The following EYS variants were observed in gnomAD, a reference collection of about 807,000 sequenced individuals.
EYS encodes EGF-like photoreceptor maintenance factor, also known as protein eyes shut homolog.
Under a neutral mutation model 282.1 loss-of-function variants are expected in EYS, and 250 were observed. The ratio of observed to expected loss-of-function variants is 0.89; its 90% CI spans 0.80 to 0.98. EYS has a LOEUF of 0.98. Among genes scored for constraint, EYS ranks in the 50% least tolerant of loss-of-function variants. EYS has a pLI of 0.00. For missense variants in EYS, 4,016 were observed against 3,709.0 expected (o/e 1.08, Z -2.15); for synonymous variants, 1,355 against 1,282.9 (o/e 1.06, Z -1.20).
At chr6:65,387,126 G>T (rs1036846567) in intron 7 of EYS, among the ~76,000 whole-genome samples, 2 of 151,674 alleles carry the variant, frequency 1.3e-5, no homozygotes, top group African/African-American at 2.4e-5. Context: ...CTATTATTAG[G>T]TTTCCTTTTG....
At position 64,388,827 on chromosome 6, in the gene EYS, G is replaced by A. The variant is rs1194059660; in HGVS notation, c.5941C>T (p.Pro1981Ser). The A allele has an allele frequency of 4.6e-6, 7 of 1,509,670 alleles. No individual in the cohort carries two copies. In the Admixed American group the frequency reaches 8.8e-5, roughly 19 times the overall value. The allele number at this position is 1,509,670 out of a possible 1,614,324, so 93.5% of individuals were successfully genotyped here. The change falls in exon 29 of 43, where the codon CCA becomes TCA. Residue 1981 changes from proline to serine, a missense_variant. Coordinates refer to ENST00000503581, the MANE Select transcript of EYS (RefSeq NM_001142800.2). ...AAAATAGTCAGCTCAGCGTTACATG[G>A]ATCCAATTCTTGCCTGTAACCATTT... ...YTLLIRQELD[P>S]CNAELTILGR...
chr6:63,747,484 C>T (rs1207102835), intron 41 of EYS, among the ~76,000 whole-genome samples: 1 of 152,178 alleles, frequency 6.6e-6, no homozygotes, highest in African/African-American at 2.4e-5. Flanking sequence ...GAGCTAAGTT[C>T]AAGTCCTGAA....
At chr6:65,610,809 T>C (rs1159847822) in intron 2 of EYS, among the ~76,000 whole-genome samples, 3 of 152,114 alleles carry the variant, frequency 2.0e-5, no homozygotes, top group Non-Finnish European at 1.5e-5. Flanking sequence ...TTTTAAAATA[T>C]CGTGTTTATA....
At chr6:64,333,603 G>A (rs1770723155) in intron 29 of EYS, among the ~76,000 whole-genome samples, 1 of 152,106 alleles carries the variant, frequency 6.6e-6, no homozygotes, top group Non-Finnish European at 1.5e-5. Flanking sequence ...AGCCAAATAT[G>A]CCTTTCTGGA....
chr6:64,594,491 C>T (rs974635761), intron 24 of EYS, among the ~76,000 whole-genome samples: 1 of 151,996 alleles, frequency 6.6e-6, no homozygotes, highest in African/African-American at 2.4e-5. Context: ...CACATAGACA[C>T]CATGGAATAC....
chr6:64,801,912 C>T (rs989030633), intron 22 of EYS, among the ~76,000 whole-genome samples: 13 of 151,832 alleles, frequency 8.6e-5, no homozygotes, highest in Non-Finnish European at 1.3e-4. Context: ...TCTATCTTTG[C>T]CTATCTCATG....
At chr6:64,479,417 T>C (rs1776368764) in intron 26 of EYS, among the ~76,000 whole-genome samples, 1 of 151,990 alleles carries the variant, frequency 6.6e-6, no homozygotes, top group Non-Finnish European at 1.5e-5. Context: ...CTTTCTAATT[T>C]TGCCATTTAC....
At chr6:64,667,580 G>A (rs1429082440) in intron 22 of EYS, among the ~76,000 whole-genome samples, 2 of 150,490 alleles carry the variant, frequency 1.3e-5, no homozygotes, top group African/African-American at 4.9e-5. Flanking sequence ...ATTTTTTTCT[G>A]AGTTCATTCC....
At chr6:64,511,540 T>G (rs535517138) in intron 26 of EYS, among the ~76,000 whole-genome samples, 1 of 152,074 alleles carries the variant, frequency 6.6e-6, no homozygotes, top group East Asian at 1.9e-4. Context: ...TATCACTGTG[T>G]GGTTTGGCCA....
chr6:64,151,716 T>C (rs1373020885), intron 31 of EYS, among the ~76,000 whole-genome samples: 1 of 152,086 alleles, frequency 6.6e-6, no homozygotes, highest in Admixed American at 6.6e-5. Context: ...TTGATATGAC[T>C]ATATACTTGT....
At chr6:64,393,625 C>T (rs1366866437) in intron 28 of EYS, among the ~76,000 whole-genome samples, 3 of 152,060 alleles carry the variant, frequency 2.0e-5, no homozygotes, top group South Asian at 2.1e-4. Context: ...ATTGATGGGT[C>T]GTATTTCAAA....
chr6:63,745,049 CA>C (rs762356902), intron 41 of EYS: 22 of 414,006 alleles, frequency 5.3e-5, no homozygotes, highest in Admixed American at 1.6e-4. Context: ...ATTCAGATGC[CA>C]AAAAAGGTGA....
intron 13 of EYS, among the ~76,000 whole-genome samples, chr6:65,006,072 C>T (rs902885730): frequency 6.6e-6 from 1 of 151,878 alleles, no homozygotes; most frequent in African/African-American, 2.4e-5. Flanking sequence ...TAGGCTATAA[C>T]CCAGGGAGTC....
intron 40 of EYS, among the ~76,000 whole-genome samples, chr6:63,763,136 A>G (rs970803307): frequency 2.6e-4 from 40 of 152,114 alleles, no homozygotes; most frequent in African/African-American, 9.7e-4. Context: ...GGATGTTCAT[A>G]GTCAGGAACA....
chr6:64,033,501 G>A (rs758993097), intron 33 of EYS, among the ~76,000 whole-genome samples: 3 of 152,000 alleles, frequency 2.0e-5, no homozygotes, highest in South Asian at 2.1e-4. Flanking sequence ...TTCTAAGCAC[G>A]CAATAGTAAC....
chr6:65,648,085 T>C (rs1464290003), intron 1 of EYS, among the ~76,000 whole-genome samples: 1 of 152,206 alleles, frequency 6.6e-6, no homozygotes, highest in Non-Finnish European at 1.5e-5. Flanking sequence ...GGTGGGAATG[T>C]AAACTAATAC....
At chr6:63,845,320 C>A (rs962178520) in intron 36 of EYS, among the ~76,000 whole-genome samples, 1 of 152,030 alleles carries the variant, frequency 6.6e-6, no homozygotes, top group Non-Finnish European at 1.5e-5. Flanking sequence ...AGTATAGAGC[C>A]TTCCCATTAC....
intron 36 of EYS, among the ~76,000 whole-genome samples, chr6:63,862,437 A>G (rs1261091799): frequency 2.0e-5 from 3 of 152,032 alleles, no homozygotes; most frequent in East Asian, 3.9e-4. Context: ...AAAAAAATTT[A>G]CACTGAGGCA....
intron 28 of EYS, among the ~76,000 whole-genome samples, chr6:64,400,725 T>C (rs1241856108): frequency 6.6e-6 from 1 of 152,104 alleles, no homozygotes; most frequent in Admixed American, 6.6e-5. Flanking sequence ...GCTTTTTAAA[T>C]GCTTTCTCTA....
Sources: gnomAD v4.1 joint callset for allele counts (sites outside exome capture counted in the v4.1 genomes callset) on GRCh38, gnomAD v4.1.1 for gene constraint, MANE v1.5 for transcripts, NCBI Gene and HGNC (gene_info 2026-07-23, HGNC 2026-07-21) for gene names.